ADAMTS6: variants seen among roughly 807,000 people sequenced by gnomAD.
The protein encoded by ADAMTS6 is ADAM metallopeptidase with thrombospondin type 1 motif 6, also known as A disintegrin and metalloproteinase with thrombospondin motifs 6.
In ADAMTS6, 23 loss-of-function variants were observed where a neutral mutation model predicts 144.3. The ratio of observed to expected loss-of-function variants is 0.16; its 90% confidence interval spans 0.11 to 0.23. The LOEUF is 0.23. Ranked by LOEUF, ADAMTS6 falls within the 10% of genes least tolerant of loss-of-function variation. The pLI is 1.00. For missense variants in ADAMTS6, 999 were observed against 1,379.6 expected, an observed-to-expected ratio of 0.72 and a Z score of 4.37; for synonymous variants, 444 against 457.5, an observed-to-expected ratio of 0.97 and a Z score of 0.38.
At chr5:65,259,844 T>G (rs1761024357) in intron 14 of ADAMTS6, among the ~76,000 whole-genome samples, 1 of 152,130 alleles carries the variant, frequency 6.6e-6, no homozygotes, top group Non-Finnish European at 1.5e-5. Context: ...AAGACAGTAG[T>G]AGAGGTGGAA....
At chr5:65,310,413 C>T (rs1744380706) in intron 9 of ADAMTS6, among the ~76,000 whole-genome samples, 3 of 152,102 alleles carry the variant, frequency 2.0e-5, no homozygotes, top group Admixed American at 2.0e-4. Flanking sequence ...ATGGTCCCAG[C>T]TACATGGGAG....
rs181505958 is a variant in ADAMTS6 at position 65,452,055 on chromosome 5, T to C, written c.927+78A>G. 30 of 1,123,960 alleles carry C rather than the reference T, an allele frequency of 2.7e-5. No individual in the cohort carries two copies. In the African/African-American group the frequency reaches 3.6e-4, roughly 13 times the overall value. The allele number at this position is 1,123,960 out of a possible 1,614,324, so 69.6% of individuals were successfully genotyped here. A position where few individuals can be genotyped will look rare whatever the true frequency, so the allele number is the denominator to read the frequency against. On this transcript the variant is annotated intron_variant, in intron 6 of 24. Coordinates refer to ENST00000381055, the MANE Select transcript of ADAMTS6 (RefSeq NM_197941.4). Reference sequence around the variant, plus strand: ...CTAATAGAAGCAATAATAAAACATATTATTTAATAATAAGTAATTCTATAG... The same window carrying C: ...CTAATAGAAGCAATAATAAAACATACTATTTAATAATAAGTAATTCTATAG...
chr5:65,178,327 G>A (rs749338529), intron 22 of ADAMTS6, among the ~76,000 whole-genome samples: 3 of 152,290 alleles, frequency 2.0e-5, no homozygotes, highest in South Asian at 2.1e-4. Flanking sequence ...GGAGTCCCAC[G>A]GGGAATACCA....
At chr5:65,335,957 G>A (rs1283703458) in intron 7 of ADAMTS6, among the ~76,000 whole-genome samples, 3 of 151,730 alleles carry the variant, frequency 2.0e-5, no homozygotes. Flanking sequence ...AAAAAGAAAA[G>A]TAAAAGCATT....
intron 7 of ADAMTS6, among the ~76,000 whole-genome samples, chr5:65,380,182 C>T (rs886996875): frequency 1.3e-5 from 2 of 152,148 alleles, no homozygotes; most frequent in East Asian, 1.9e-4. Context: ...ATAGGTTCTG[C>T]ATCTTGCTTT....
chr5:65,314,510 T>C (rs182366125), intron 9 of ADAMTS6, among the ~76,000 whole-genome samples: 1 of 152,202 alleles, frequency 6.6e-6, no homozygotes, highest in East Asian at 1.9e-4. Context: ...TTTTTCAACA[T>C]CAATGACAGA....
chr5:65,368,957 G>A (rs1750564762), intron 7 of ADAMTS6, among the ~76,000 whole-genome samples: 1 of 152,226 alleles, frequency 6.6e-6, no homozygotes, highest in African/African-American at 2.4e-5. Context: ...TTGGGAAGCT[G>A]AGGCAGGAGA....
chr5:65,398,850 A>AAGAAAGAG (rs1561502083), intron 7 of ADAMTS6, among the ~76,000 whole-genome samples: 1 of 133,718 alleles, frequency 7.5e-6, no homozygotes, highest in South Asian at 2.3e-4. Context: ...GAAAGAAAGA[A>AAGAAAGAG]AAAGAAAGAG....
Position 65,278,943 on chromosome 5 carries a change from C to CT in ADAMTS6, c.1513-5497dup, listed in dbSNP as rs59600636. 5.0e-3 allele frequency among the ~76,000 whole-genome samples: 657 copies of CT among 132,032 alleles called. 1 individual carries two copies. Among genetic ancestry groups the CT allele is most frequent in the Middle Eastern group, 7.7e-3 (2 of 260 alleles). The allele number at this position is 132,032 out of a possible 152,430, so 86.6% of individuals were successfully genotyped here. On this transcript the variant is annotated intron_variant, in intron 11 of 24. Coordinates refer to ENST00000381055, the MANE Select transcript of ADAMTS6 (RefSeq NM_197941.4). ...CTAACTGCTGTTTCTTCTTTACAGTCTTTTTTTTTTTTTTTTTTGAGGCAG... is the reference window on the plus strand; with the variant it reads ...CTAACTGCTGTTTCTTCTTTACAGTCTTTTTTTTTTTTTTTTTTTGAGGCAG...
At position 65,421,886 on chromosome 5, in the gene ADAMTS6, T is replaced by C. The variant is rs1244150748; in HGVS notation, c.1073+29589A>G. Among the ~76,000 whole-genome samples the C allele has an allele frequency of 2.0e-5, 3 of 152,142 alleles. No homozygotes were observed. The East Asian group carries it at 5.8e-4, about 29-fold the overall frequency. The stretch of plus-strand genomic sequence containing the variant: ...GAAGAAAACCTAGGAAAAACTCTTA[T>C]GAAAATTGGCCTAGGCAAATAATTT... On this transcript the variant is annotated intron_variant, in intron 7 of 24. Transcript: ENST00000381055.
chr5:65,273,197 C>A, intron 12 of ADAMTS6, 143 bp downstream of exon 12: 1 of 707,008 alleles, frequency 1.4e-6, no homozygotes, highest in Non-Finnish European at 2.4e-6. Flanking sequence ...CAAGGTATGA[C>A]AATTAACCTA....
chr5:65,367,086 T>A (rs1750369758), intron 7 of ADAMTS6, among the ~76,000 whole-genome samples: 1 of 152,190 alleles, frequency 6.6e-6, no homozygotes, highest in Non-Finnish European at 1.5e-5. Context: ...AAATTAGAGA[T>A]AATCATGGAG....
intron 14 of ADAMTS6, among the ~76,000 whole-genome samples, chr5:65,256,985 C>CTCTCTTTTTTTT (rs765554792): frequency 1.1e-5 from 1 of 88,678 alleles, no homozygotes; most frequent in African/African-American, 5.7e-5. Flanking sequence ...CTCTCTCTCT[C>CTCTCTTTTTTTT]TTTTTTTTTT....
At chr5:65,326,854 A>G (rs1746220486) in intron 9 of ADAMTS6, among the ~76,000 whole-genome samples, 1 of 152,210 alleles carries the variant, frequency 6.6e-6, no homozygotes, top group East Asian at 1.9e-4. Flanking sequence ...CTAAGATCTT[A>G]AAAGAAAGTA....
intron 9 of ADAMTS6, among the ~76,000 whole-genome samples, chr5:65,316,570 A>G (rs1745019932): frequency 6.6e-6 from 1 of 152,122 alleles, no homozygotes; most frequent in Non-Finnish European, 1.5e-5. Context: ...AAAAATGACT[A>G]AACAACTATA....
chr5:65,363,538 G>T (rs966299902), intron 7 of ADAMTS6, among the ~76,000 whole-genome samples: 1 of 152,090 alleles, frequency 6.6e-6, no homozygotes, highest in Non-Finnish European at 1.5e-5. Context: ...TGGTATCAAA[G>T]AAAACATTTA....
intron 4 of ADAMTS6, among the ~76,000 whole-genome samples, chr5:65,454,594 T>C (rs1280674603): frequency 6.6e-6 from 1 of 152,206 alleles, no homozygotes; most frequent in Non-Finnish European, 1.5e-5. Flanking sequence ...TGTTTCTAAC[T>C]AACAGAATAC....
rs563638927 is a variant in ADAMTS6, at chr5:65,182,615, A to G, written c.2910+5401T>C. ...TTACAGGTGTGGAAACTGAAATGCTAAGAGGTAGAAACAAATCCTGATGGC... is the reference window on the plus strand; with the variant it reads ...TTACAGGTGTGGAAACTGAAATGCTGAGAGGTAGAAACAAATCCTGATGGC... On this transcript the variant is annotated intron_variant, in intron 22 of 24. Transcript: ENST00000381055. Among the ~76,000 whole-genome samples, 4 of 152,300 alleles carry G rather than the reference A, an allele frequency of 2.6e-5. No homozygotes were observed. The South Asian group carries it at 8.3e-4, about 32-fold the overall frequency.
At chr5:65,196,033 T>C (rs991826998) in intron 21 of ADAMTS6, among the ~76,000 whole-genome samples, 1 of 152,202 alleles carries the variant, frequency 6.6e-6, no homozygotes, top group African/African-American at 2.4e-5. Flanking sequence ...TTTAAAACCA[T>C]CATTAAAATG....
Sources: allele counts gnomAD v4.1 joint callset (sites outside exome capture counted in the v4.1 genomes callset), GRCh38; gene constraint gnomAD v4.1.1; transcripts MANE v1.5; gene names NCBI Gene and HGNC (gene_info 2026-07-23, HGNC 2026-07-21).